PASK: variants seen among roughly 807,000 people sequenced by gnomAD.
PASK encodes the protein PAS domain containing serine/threonine kinase.
PASK carries 110 observed loss-of-function variants against 121.0 expected under a neutral mutation model. The observed-to-expected ratio is 0.91, with a 90% CI of 0.78 to 1.06. The LOEUF is 1.06. Ranked by LOEUF, PASK falls within the 50% of genes least tolerant of loss-of-function variation. The pLI is 0.00. For missense variants in PASK, 1,643 were observed against 1,702.3 expected (o/e 0.97, Z 0.61); for synonymous variants, 686 against 717.8 (o/e 0.96, Z 0.71).
Position 241,126,780 on chromosome 2 carries a change from G to A in PASK, c.2135C>T (p.Ser712Phe). ...CGTGGCCAAGGCATAGCAGGCTGAG[G>A]AGCTGCCCGTGCAGCCACCGCACAG... ...RDLCGGCTGS[S>F]SACYALATDL... Residue 712 changes from serine to phenylalanine, a missense_variant, in exon 10 of 18, where the codon TCC (serine) becomes TTC (phenylalanine). Ser to Phe is a radical substitution (Grantham distance 155). Transcript: ENST00000234040. 6.2e-7 allele frequency: 1 copy of A among 1,614,026 alleles called. No individual in the cohort carries two copies. The highest frequency in any genetic ancestry group is 8.5e-7 in the Non-Finnish European group (1 of 1,180,022).
At chr2:241,138,160 T>C (rs2066530551) in intron 5 of PASK, 73 bp from the exon 6 acceptor site, 2 of 1,537,988 alleles carry the variant, frequency 1.3e-6, no homozygotes, top group Non-Finnish European at 1.8e-6. Flanking sequence ...AGCTTCAATA[T>C]GTTCAAGCCA....
At chr2:241,114,691 T>G in intron 14 of PASK, 1 of 1,293,820 alleles carries the variant, frequency 7.7e-7, no homozygotes, top group Non-Finnish European at 9.8e-7. Context: ...CAGGCCGCTG[T>G]GCCGCACACA....
At chr2:241,150,048 G>A (rs2067212073), upstream of PASK, 11 of 1,368,844 alleles carry the variant, frequency 8.0e-6, no homozygotes, top group Admixed American at 3.2e-5. Flanking sequence ...GCTCGCAGAG[G>A]TCAGGGATGC....
intron 9 of PASK, among the ~76,000 whole-genome samples, chr2:241,128,593 A>C (rs1439160993): frequency 6.6e-6 from 1 of 152,148 alleles, no homozygotes; most frequent in African/African-American, 2.4e-5. Flanking sequence ...GAGGCTCAGA[A>C]AGAGGACAGG....
Position 241,122,789 on chromosome 2 carries a change from C to T in PASK, c.3015G>A (p.Leu1005=). The T allele has an allele frequency of 6.2e-7, 1 of 1,614,242 alleles. No individual in the cohort carries two copies. The highest frequency in any genetic ancestry group is 1.1e-5 in the South Asian group (1 of 91,088). The change falls in exon 12 of 18, where the codon CTG becomes CTA. Residue 1005 remains leucine (L), a synonymous_variant. Transcript: ENST00000234040. ...ACACGAAGCCGAAGGCCCCACTGCC[C>T]AGCGGGCTCATGGTACTGTACTTTT... ...YSQKYSTMSP[L]GSGAFGFVWT...
chr2:241,133,088 C>T, intron 8 of PASK, 58 bp from the exon 9 acceptor site: 1 of 1,544,366 alleles, frequency 6.5e-7, no homozygotes, highest in South Asian at 1.1e-5. Context: ...TAAAACGAAT[C>T]TGCTCATTCG....
At chr2:241,110,083 A>G (rs2065045265) in intron 15 of PASK, among the ~76,000 whole-genome samples, 2 of 152,278 alleles carry the variant, frequency 1.3e-5, no homozygotes, top group Non-Finnish European at 2.9e-5. Flanking sequence ...TGACAGATGA[A>G]TAAGTACAGC....
chr2:241,122,177 G>T (rs577325425), intron 12 of PASK, among the ~76,000 whole-genome samples: 1 of 151,440 alleles, frequency 6.6e-6, no homozygotes, highest in Non-Finnish European at 1.5e-5. Flanking sequence ...TCAAATAAAT[G>T]ATCTAAGATA....
chr2:241,137,092 G>T lies in PASK; in HGVS notation c.1049C>A (p.Thr350Asn). The T allele has an allele frequency of 3.7e-6, 6 of 1,613,658 alleles. No homozygotes were observed. In the South Asian group the frequency reaches 6.6e-5, roughly 18 times the overall value. The change falls in exon 7 of 18, where the codon ACC (threonine) becomes AAC (asparagine). Residue 350 changes from threonine (T) to asparagine (N), a missense_variant. Transcript: ENST00000234040. ...GTGGATGGTCCCATCCGGCAGGAGGGTGATGAGGCCACTGATGGTGCAGAA... is the reference window on the plus strand; with the variant it reads ...GTGGATGGTCCCATCCGGCAGGAGGTTGATGAGGCCACTGATGGTGCAGAA... Reference protein sequence around the residue: ...WVFCTISGLITLLPDGTIHGI... With the variant: ...WVFCTISGLINLLPDGTIHGI...
intron 1 of PASK, among the ~76,000 whole-genome samples, chr2:241,148,756 TAA>T (rs1182667393): frequency 2.0e-5 from 3 of 152,112 alleles, no homozygotes; most frequent in African/African-American, 7.2e-5. Context: ...CAAGAAATTA[TAA>T]AGTCTTAAAT....
Position 241,108,305 on chromosome 2 carries a change from G to C in PASK, c.3534-5C>G. On this transcript the variant is annotated splice_region_variant and splice_polypyrimidine_tract_variant and intron_variant, in intron 15 of 17. Coordinates refer to ENST00000234040, the MANE Select transcript of PASK (RefSeq NM_015148.4). This position sits in a 1 kb window ranked among gnomAD's most constrained non-coding sequence, Gnocchi z 5.2. ...TCCAGCTCCGGCCCTCTGTAGCTGTGAGGAGGAGGAGGCATCAGGACGCCA... is the reference window on the plus strand; with the variant it reads ...TCCAGCTCCGGCCCTCTGTAGCTGTCAGGAGGAGGAGGCATCAGGACGCCA... 1 of 1,611,782 alleles carries C rather than the reference G, an allele frequency of 6.2e-7. No homozygotes were observed. Among genetic ancestry groups the C allele is most frequent in the Non-Finnish European group, 8.5e-7 (1 of 1,178,178 alleles).
chr2:241,117,258 T>G (rs2065414933), intron 12 of PASK, among the ~76,000 whole-genome samples: 1 of 152,132 alleles, frequency 6.6e-6, no homozygotes, highest in Non-Finnish European at 1.5e-5. Context: ...GAAGACCCTT[T>G]GACGGGAGGG....
rs146532710 is a variant in PASK, at chr2:241,130,323, G to A, written c.1463+2551C>T. Among the ~76,000 whole-genome samples, 36 of 152,328 alleles carry A rather than the reference G, an allele frequency of 2.4e-4. 1 individual carries two copies. The East Asian group carries it at 6.5e-3, about 28-fold the overall frequency. The stretch of plus-strand genomic sequence containing the variant: ...TCTCAGAACTGTGACATCCAGAAAC[G>A]TCCAATGCAATAGAAAGACTAGGAA... On this transcript the variant is annotated intron_variant, in intron 9 of 17. Coordinates refer to ENST00000234040, the MANE Select transcript of PASK (RefSeq NM_015148.4).
intron 6 of PASK, among the ~76,000 whole-genome samples, 182 bp downstream of exon 6, chr2:241,137,771 T>C (rs983060148): frequency 4.6e-5 from 7 of 152,220 alleles, no homozygotes; most frequent in Non-Finnish European, 1.0e-4. Context: ...AGTGGTCAGC[T>C]GGGAGACCAC....
In PASK at chr2:241,126,234, T is replaced by A. The variant is rs766797956; in HGVS notation, c.2681A>T (p.Tyr894Phe). The change falls in exon 10 of 18, where the codon TAC becomes TTC. Residue 894 changes from tyrosine (Y) to phenylalanine (F), a missense_variant. By Grantham distance (22) the Tyr-to-Phe change is conservative. Transcript: ENST00000234040. ...GLQREIQEGAYSGSCYHRDGL... is the reference protein window; with the variant it reads ...GLQREIQEGAFSGSCYHRDGL... ...ATCTCGATGGTAGCAGCTCCCGGAGTAGGCACCCTCCTGGATCTCCCGCTG... is the reference window on the plus strand; with the variant it reads ...ATCTCGATGGTAGCAGCTCCCGGAGAAGGCACCCTCCTGGATCTCCCGCTG... The A allele has an allele frequency of 8.1e-6, 13 of 1,613,268 alleles. No homozygotes were observed. The Middle Eastern group carries it at 8.2e-4, about 102-fold the overall frequency.
chr2:241,141,670 C>T (rs983976427), intron 2 of PASK, among the ~76,000 whole-genome samples: 4 of 152,166 alleles, frequency 2.6e-5, no homozygotes, highest in African/African-American at 4.8e-5. Context: ...ACGGCCCACT[C>T]GCCTGCTTCC....
chr2:241,115,194 C>A lies in PASK; in HGVS notation c.3199-17G>T, dbSNP rs200892124. 1.9e-6 allele frequency: 3 copies of A among 1,614,066 alleles called. No homozygotes were observed. Among genetic ancestry groups the A allele is most frequent in the Non-Finnish European group, 2.5e-6 (3 of 1,179,986 alleles). On this transcript the variant is annotated splice_polypyrimidine_tract_variant and intron_variant, in intron 13 of 17. Coordinates refer to ENST00000234040, the MANE Select transcript of PASK (RefSeq NM_015148.4). The stretch of plus-strand genomic sequence containing the variant: ...ATCCAATACCTAGGAAGAGACAAAG[C>A]CAAGTCCAACTCTACCAAAACATCT...
Position 241,126,988 on chromosome 2 carries a change from G to C in PASK, c.1927C>G (p.Leu643Val), listed in dbSNP as rs1283336511. 8 of 1,614,254 alleles carry C rather than the reference G, an allele frequency of 5.0e-6. No individual in the cohort carries two copies. The highest frequency in any genetic ancestry group is 5.9e-6 in the Non-Finnish European group (7 of 1,180,046). ...TCCACTCCCAGCCACGGCTCATCTA[G>C]AGTAGGTGTCCCAAACGAGAGGCCT... ...MAGLSFGTPTLDEPWLGVEND... is the reference protein window; with the variant it reads ...MAGLSFGTPTVDEPWLGVEND... Residue 643 changes from leucine (L) to valine (V), a missense_variant, in exon 10 of 18, where the codon CTA becomes GTA. By Grantham distance (32) the Leu-to-Val change is conservative. Coordinates refer to ENST00000234040, the MANE Select transcript of PASK (RefSeq NM_015148.4).
intron 7 of PASK, 44 bp from the exon 8 acceptor site, chr2:241,136,083 G>A (rs757269824): frequency 1.3e-5 from 20 of 1,533,532 alleles, no homozygotes; most frequent in South Asian, 3.4e-5. Context: ...GAGGATCCAC[G>A]CTGACCCACT....
Sources: allele counts gnomAD v4.1 joint callset (sites outside exome capture counted in the v4.1 genomes callset), GRCh38; gene constraint gnomAD v4.1.1; non-coding constraint Gnocchi (gnomAD v3.1); transcripts MANE v1.5; gene names NCBI Gene and HGNC (gene_info 2026-07-23, HGNC 2026-07-21).